The following CEACAM21 variants were observed in gnomAD, a reference collection of about 807,000 sequenced individuals.
The protein encoded by CEACAM21 is CEA cell adhesion molecule 21, also known as cell adhesion molecule CEACAM21.
In CEACAM21, 38 loss-of-function variants were observed where a neutral mutation model predicts 33.2. The observed-to-expected ratio is 1.14, with a 90% CI of 0.88 to 1.50. CEACAM21 has a LOEUF of 1.50. Among genes scored for constraint, CEACAM21 ranks in the 40% most tolerant of loss-of-function variants. CEACAM21 has a pLI of 0.00. For missense variants in CEACAM21, 385 were observed against 364.6 expected (o/e 1.06, Z -0.46); for synonymous variants, 156 against 143.0 (o/e 1.09, Z -0.65).
At chr19:41,572,261 G>T (rs1274025170), upstream of CEACAM21, among the ~76,000 whole-genome samples, 10 of 152,106 alleles carry the variant, frequency 6.6e-5, no homozygotes, top group African/African-American at 2.2e-4. Flanking sequence ...ATGATGACAG[G>T]AGTGCCCTTC....
At position 41,577,238 on chromosome 19, in the gene CEACAM21, T is replaced by A; in HGVS notation, c.103T>A (p.Trp35Arg). The A allele has an allele frequency of 6.2e-7, 1 of 1,614,194 alleles. No homozygotes were observed. The highest frequency in any genetic ancestry group is 8.5e-7 in the Non-Finnish European group (1 of 1,180,042). Reference sequence around the variant, plus strand: ...TTTCTGGAACGCACCCACCACTGCCTGGCTCTTTATTGCATCAGCGCCCTT... The same window carrying A: ...TTTCTGGAACGCACCCACCACTGCCAGGCTCTTTATTGCATCAGCGCCCTT... ...LTFWNAPTTA[W>R]LFIASAPFEV... The change falls in exon 2 of 7, where the codon TGG (tryptophan) becomes AGG (arginine). Residue 35 changes from tryptophan (W) to arginine (R), a missense_variant. Transcript: ENST00000401445.
chr19:41,564,859 T>G (rs2042148997), exon 2 of CEACAM21: 1 of 152,150 alleles, frequency 6.6e-6, no homozygotes, highest in African/African-American at 2.4e-5. Flanking sequence ...ACTTGGATAT[T>G]CAGAGCGCTG....
At chr19:41,572,706 C>T (rs1555789796), upstream of CEACAM21, among the ~76,000 whole-genome samples, 1 of 152,176 alleles carries the variant, frequency 6.6e-6, no homozygotes, top group Non-Finnish European at 1.5e-5. Flanking sequence ...GTACCACATC[C>T]AGCATGTGCA....
intron 1 of CEACAM21, among the ~76,000 whole-genome samples, chr19:41,560,376 C>T (rs1206047648): frequency 6.6e-6 from 1 of 152,134 alleles, no homozygotes; most frequent in Non-Finnish European, 1.5e-5. Context: ...GTACTCACTG[C>T]CATGCCTGGC....
chr19:41,560,076 T>C (rs1340287726), intron 1 of CEACAM21, among the ~76,000 whole-genome samples: 2 of 152,164 alleles, frequency 1.3e-5, no homozygotes, highest in African/African-American at 4.8e-5. Flanking sequence ...TTTTCATCCT[T>C]CCAATACAGG....
intron 2 of CEACAM21, 102 bp downstream of exon 2, chr19:41,577,661 G>A: frequency 6.5e-6 from 10 of 1,537,138 alleles, no homozygotes; most frequent in Middle Eastern, 2.2e-4. Context: ...TCTGCATTAC[G>A]TCCCATGTTG....
intron 6 of CEACAM21, chr19:41,586,212 G>T (rs1175275332): frequency 9.0e-6 from 5 of 555,148 alleles, no homozygotes; most frequent in Non-Finnish European, 1.6e-5. Context: ...GGGGGCCACA[G>T]ATATTCTGGT....
At chr19:41,568,491 A>T (rs781792251) in intron 2 of CEACAM21, among the ~76,000 whole-genome samples, 20 of 152,170 alleles carry the variant, frequency 1.3e-4, no homozygotes, top group Non-Finnish European at 2.4e-4. Flanking sequence ...GTCTAGGTTC[A>T]TTCTTCTGCA....
chr19:41,559,212 C>T (rs186744345), intron 1 of CEACAM21, among the ~76,000 whole-genome samples: 4 of 152,294 alleles, frequency 2.6e-5, no homozygotes, highest in Admixed American at 2.0e-4. Context: ...AATTACTCAT[C>T]GATTGTATGC....
At chr19:41,578,303 CTTTTTT>C (rs34093847) in intron 2 of CEACAM21, among the ~76,000 whole-genome samples, 1 of 142,594 alleles carries the variant, frequency 7.0e-6, no homozygotes, top group Non-Finnish European at 1.5e-5. Context: ...CCAGAGAACT[CTTTTTT>C]TTTTTTTTTG....
At chr19:41,583,152 A>C (rs372472208) in intron 3 of CEACAM21, among the ~76,000 whole-genome samples, 1 of 152,082 alleles carries the variant, frequency 6.6e-6, no homozygotes, top group Admixed American at 6.5e-5. Context: ...ATTTCCCTCA[A>C]GTTCAAAGTT....
chr19:41,565,405 T>G (rs2042187912), intron 2 of CEACAM21, among the ~76,000 whole-genome samples: 2 of 152,088 alleles, frequency 1.3e-5, no homozygotes, highest in African/African-American at 4.8e-5. Flanking sequence ...GTCCTTACCC[T>G]GAAGTTACAG....
chr19:41,574,102 T>C (rs1470872852), upstream of CEACAM21, among the ~76,000 whole-genome samples: 1 of 152,208 alleles, frequency 6.6e-6, no homozygotes, highest in Non-Finnish European at 1.5e-5. Context: ...GGGGAAAGAA[T>C]GGTAGCCTCT....
chr19:41,563,147 C>A (rs1202571146), intron 1 of CEACAM21, among the ~76,000 whole-genome samples: 1 of 152,090 alleles, frequency 6.6e-6, no homozygotes, highest in Non-Finnish European at 1.5e-5. Flanking sequence ...ATATTGGCTA[C>A]TGAGAGTGGG....
At chr19:41,578,684 G>A (rs947484238) in intron 2 of CEACAM21, among the ~76,000 whole-genome samples, 2 of 152,160 alleles carry the variant, frequency 1.3e-5, no homozygotes, top group South Asian at 2.1e-4. Flanking sequence ...TACTTAGAAC[G>A]AAATCACCTG....
At chr19:41,568,001 T>C (rs1333903357) in intron 2 of CEACAM21, among the ~76,000 whole-genome samples, 4 of 152,110 alleles carry the variant, frequency 2.6e-5, no homozygotes, top group Non-Finnish European at 5.9e-5. Context: ...CCCTTCATCC[T>C]ACAGACATAG....
intron 3 of CEACAM21, among the ~76,000 whole-genome samples, chr19:41,582,494 G>A (rs1461037500): frequency 6.6e-6 from 1 of 152,242 alleles, no homozygotes; most frequent in Non-Finnish European, 1.5e-5. Context: ...CCCTAGCAGA[G>A]GTTCTCCATG....
chr19:41,550,541 T>C (rs1169507915), intron 1 of CEACAM21: 2 of 152,184 alleles, frequency 1.3e-5, no homozygotes, highest in African/African-American at 4.8e-5. Context: ...GAGGCTGAGA[T>C]GGGCGGATGA....
chr19:41,560,234 T>G (rs2041798005), intron 1 of CEACAM21, among the ~76,000 whole-genome samples: 1 of 152,216 alleles, frequency 6.6e-6, no homozygotes, highest in African/African-American at 2.4e-5. Flanking sequence ...TTCTTTTTTT[T>G]TCTTTTGAGA....
Sources: allele counts gnomAD v4.1 joint callset (sites outside exome capture counted in the v4.1 genomes callset), GRCh38; gene constraint gnomAD v4.1.1; transcripts MANE v1.5; gene names NCBI Gene and HGNC (gene_info 2026-07-23, HGNC 2026-07-21).